The following CDH13 variants were observed in gnomAD, a reference collection of about 807,000 sequenced individuals.
CDH13 encodes the protein cadherin-13.
CDH13 carries 24 observed loss-of-function variants against 63.8 expected under a neutral mutation model. That is an observed-to-expected ratio of 0.38 (90% CI 0.27 to 0.53). CDH13 has a LOEUF of 0.53. CDH13 is among the 20% of genes least tolerant of loss of function. CDH13 has a pLI of 0.85. For synonymous variants in CDH13, 503 were observed against 355.3 expected (o/e 1.42, Z -4.67); for missense variants, 1,049 against 903.1 (o/e 1.16, Z -2.07).
At chr16:82,689,981 C>CCAAAAAAAAAAAAA (rs1915472581) in intron 1 of CDH13, among the ~76,000 whole-genome samples, 2 of 6,484 alleles carry the variant, frequency 3.1e-4, no homozygotes, top group African/African-American at 9.8e-4. Flanking sequence ...GCCATCTCTA[C>CCAAAAAAAAAAAAA]TAAAAAAAAA....
At chr16:83,454,505 T>G (rs2072968229) in intron 6 of CDH13, among the ~76,000 whole-genome samples, 1 of 152,216 alleles carries the variant, frequency 6.6e-6, no homozygotes, top group South Asian at 2.1e-4. Flanking sequence ...TACTTTGCAT[T>G]TAATGTATCA....
At chr16:83,009,044 C>T (rs949089429) in intron 2 of CDH13, among the ~76,000 whole-genome samples, 2 of 152,186 alleles carry the variant, frequency 1.3e-5, no homozygotes, top group Admixed American at 1.3e-4. Context: ...ATGGGGGAAA[C>T]TACTGCCATT....
At chr16:83,066,589 G>C (rs1489549294) in intron 3 of CDH13, among the ~76,000 whole-genome samples, 1 of 152,170 alleles carries the variant, frequency 6.6e-6, no homozygotes, top group African/African-American at 2.4e-5. Context: ...CAAGGACCAG[G>C]AAACTCAAAG....
chr16:83,051,624 A>G (rs1307017582), intron 3 of CDH13, among the ~76,000 whole-genome samples: 2 of 152,238 alleles, frequency 1.3e-5, no homozygotes, highest in Non-Finnish European at 2.9e-5. Flanking sequence ...TCTGGATTTC[A>G]TTAAGACACT....
intron 6 of CDH13, among the ~76,000 whole-genome samples, chr16:83,356,212 ATGTG>A (rs10525181): frequency 0.17 from 23,014 of 137,042 alleles, 2,041 homozygotes; most frequent in South Asian, 0.22. Context: ...ATTTATTTTC[ATGTG>A]TGTGTGTGTG....
intron 5 of CDH13, among the ~76,000 whole-genome samples, chr16:83,313,258 T>C (rs2090037920): frequency 6.6e-6 from 1 of 152,204 alleles, no homozygotes; most frequent in Non-Finnish European, 1.5e-5. Context: ...TCACAGCCAT[T>C]GATATTTTGA....
At chr16:83,713,704 T>C (rs1386700233) in intron 10 of CDH13, among the ~76,000 whole-genome samples, 2 of 152,122 alleles carry the variant, frequency 1.3e-5, no homozygotes. Flanking sequence ...AGGGTGGATG[T>C]GGTTTTAACC....
intron 5 of CDH13, among the ~76,000 whole-genome samples, chr16:83,280,028 G>A (rs796294898): frequency 2.8e-4 from 43 of 152,284 alleles, no homozygotes; most frequent in African/African-American, 1.0e-3. Context: ...CAATGTTGAT[G>A]GCTGCAGATT....
chr16:83,431,779 A>G (rs968005098), intron 6 of CDH13, among the ~76,000 whole-genome samples: 46 of 152,268 alleles, frequency 3.0e-4, no homozygotes, highest in African/African-American at 9.9e-4. Context: ...GCACTAAACC[A>G]TTCGCAAGAA....
intron 3 of CDH13, among the ~76,000 whole-genome samples, chr16:83,082,301 A>G (rs1296963316): frequency 2.0e-5 from 3 of 152,164 alleles, no homozygotes; most frequent in Non-Finnish European, 2.9e-5. Context: ...TCGTTCCAGC[A>G]TCAATTGTCA....
chr16:83,534,497 TC>T (rs2075145922), intron 7 of CDH13, among the ~76,000 whole-genome samples: 1 of 152,214 alleles, frequency 6.6e-6, no homozygotes, highest in Non-Finnish European at 1.5e-5. Flanking sequence ...AACCACTACC[TC>T]CTCTTCCTGG....
At chr16:83,694,275 A>T (rs890271728) in intron 10 of CDH13, among the ~76,000 whole-genome samples, 11 of 152,228 alleles carry the variant, frequency 7.2e-5, no homozygotes, top group African/African-American at 2.7e-4. Flanking sequence ...CACATCACTC[A>T]TGCAAGAGCA....
chr16:83,095,785 G>T (rs1037678700), intron 3 of CDH13, among the ~76,000 whole-genome samples: 1 of 152,216 alleles, frequency 6.6e-6, no homozygotes, highest in African/African-American at 2.4e-5. Flanking sequence ...AAGACTCTAT[G>T]ATTCTCACTG....
chr16:83,500,465 T>C (rs1598163548), intron 7 of CDH13, among the ~76,000 whole-genome samples: 1 of 8,196 alleles, frequency 1.2e-4, no homozygotes, highest in Non-Finnish European at 2.1e-4. Context: ...CGCCTCCTCC[T>C]CCCCCTCCTT....
At position 83,525,426 on chromosome 16, in the gene CDH13, A is replaced by T. The variant is rs577194133; in HGVS notation, c.960+38771A>T. 5.5e-3 allele frequency among the ~76,000 whole-genome samples: 845 copies of T among 152,336 alleles called. 12 individuals carry two copies. Among genetic ancestry groups the T allele is most frequent in the African/African-American group, 0.019 (771 of 41,572 alleles). ...AAAAGTGGTGAAGCTGGAATTTGTA[A>T]ACAGGTTTCTTGGACTCCTAAGCCT... On this transcript the variant is annotated intron_variant, in intron 7 of 13. Coordinates refer to ENST00000567109, the MANE Select transcript of CDH13 (RefSeq NM_001257.5).
chr16:82,846,837 T>C (rs2151143883), intron 1 of CDH13, among the ~76,000 whole-genome samples: 1 of 152,308 alleles, frequency 6.6e-6, no homozygotes, highest in South Asian at 2.1e-4. Flanking sequence ...GCTGTCATAA[T>C]GGCAGATCAA....
chr16:83,594,104 C>G (rs1484513866), intron 7 of CDH13, among the ~76,000 whole-genome samples: 1 of 152,194 alleles, frequency 6.6e-6, no homozygotes, highest in South Asian at 2.1e-4. Flanking sequence ...AAGGAAGGCT[C>G]CACTTCCAAG....
intron 10 of CDH13, among the ~76,000 whole-genome samples, chr16:83,745,371 C>G (rs553989362): frequency 1.3e-5 from 2 of 152,118 alleles, no homozygotes; most frequent in African/African-American, 2.4e-5. Context: ...AGGATTGATA[C>G]CAACCCAGAC....
intron 7 of CDH13, among the ~76,000 whole-genome samples, chr16:83,489,888 TTTAAGG>T (rs1247480810): frequency 6.6e-6 from 1 of 152,136 alleles, no homozygotes; most frequent in Non-Finnish European, 1.5e-5. Flanking sequence ...TCAAGTTGAT[TTTAAGG>T]TTTGTTACCT....
Sources: gnomAD v4.1 joint callset for allele counts (sites outside exome capture counted in the v4.1 genomes callset) on GRCh38, gnomAD v4.1.1 for gene constraint, MANE v1.5 for transcripts, NCBI Gene and HGNC (gene_info 2026-07-23, HGNC 2026-07-21) for gene names.